Variants in DGKB observed in about 807,000 individuals in gnomAD.
DGKB encodes diacylglycerol kinase beta, also known as 90 kDa diacylglycerol kinase.
In DGKB, 67 loss-of-function variants were observed where a neutral mutation model predicts 114.3. The observed-to-expected ratio is 0.59, with a 90% CI of 0.48 to 0.72. DGKB has a LOEUF of 0.72. Among genes scored for constraint, DGKB ranks in the 30% least tolerant of loss-of-function variants. The pLI, the probability that DGKB is intolerant of heterozygous loss-of-function variation, is 0.00. For synonymous variants in DGKB, 398 were observed against 323.1 expected (o/e 1.23, Z -2.49); for missense variants, 907 against 975.2 (o/e 0.93, Z 0.93).
chr7:14,935,016 C>A (rs1257703764), intron 1 of DGKB, among the ~76,000 whole-genome samples: 1 of 152,136 alleles, frequency 6.6e-6, no homozygotes, highest in Non-Finnish European at 1.5e-5. Context: ...AGCCTTAGAG[C>A]TAATTTGAGT....
rs117501391 is a variant in DGKB, at chr7:14,753,182, G to T, written c.168+746C>A. Among the ~76,000 whole-genome samples the T allele has an allele frequency of 1.9e-3, 289 of 152,284 alleles. 8 individuals carry two copies. In the East Asian group the frequency reaches 0.043, roughly 23 times the overall value. ...GCATCAAACAATTTAAGAATAAGAA[G>T]AAGCTAGTACATATCCAAGATTGCC... On this transcript the variant is annotated intron_variant, in intron 4 of 25. Coordinates refer to ENST00000402815, the MANE Select transcript of DGKB (RefSeq NM_001350709.2).
chr7:14,218,715 C>A (rs1789423163), intron 23 of DGKB, among the ~76,000 whole-genome samples: 1 of 151,948 alleles, frequency 6.6e-6, no homozygotes, highest in South Asian at 2.1e-4. Context: ...GCTGAACCAC[C>A]ATTCCCGGGA....
intron 23 of DGKB, among the ~76,000 whole-genome samples, chr7:14,236,826 T>C (rs561687603): frequency 3.3e-4 from 50 of 151,986 alleles, no homozygotes; most frequent in Non-Finnish European, 6.2e-4. Flanking sequence ...TAGAAAAATA[T>C]GTGGTGAAAA....
intron 25 of DGKB, among the ~76,000 whole-genome samples, chr7:14,169,762 AAAAT>A (rs1226258733): frequency 2.0e-5 from 3 of 152,160 alleles, no homozygotes; most frequent in African/African-American, 7.2e-5. Flanking sequence ...GTATTACATA[AAAAT>A]AAATAATATA....
At chr7:14,717,485 GAAT>G (rs1486784255) in intron 6 of DGKB, among the ~76,000 whole-genome samples, 3 of 151,900 alleles carry the variant, frequency 2.0e-5, no homozygotes, top group African/African-American at 7.3e-5. Flanking sequence ...GAACATTTAT[GAAT>G]AATAAATATA....
chr7:14,762,262 T>C (rs555556090), intron 2 of DGKB, among the ~76,000 whole-genome samples: 21 of 151,980 alleles, frequency 1.4e-4, no homozygotes, highest in Non-Finnish European at 2.9e-4. Flanking sequence ...GGGAGATGAG[T>C]TGACTTTCTC....
chr7:14,246,953 T>C (rs935086055), intron 23 of DGKB, among the ~76,000 whole-genome samples: 2 of 152,142 alleles, frequency 1.3e-5, no homozygotes, highest in Non-Finnish European at 2.9e-5. Flanking sequence ...AAACTAAAGC[T>C]TTGTACCCTT....
chr7:14,390,526 T>C (rs974709539), intron 21 of DGKB, among the ~76,000 whole-genome samples: 2 of 152,166 alleles, frequency 1.3e-5, no homozygotes, highest in African/African-American at 4.8e-5. Context: ...GAAGTGATAA[T>C]GTAGGAATAA....
chr7:14,868,388 T>G (rs933126278), intron 1 of DGKB, among the ~76,000 whole-genome samples: 1 of 150,882 alleles, frequency 6.6e-6, no homozygotes, highest in Non-Finnish European at 1.5e-5. Context: ...CAGGCTGGAG[T>G]GCAGTGGAGG....
intron 5 of DGKB, among the ~76,000 whole-genome samples, chr7:14,729,216 G>A (rs1398401017): frequency 6.9e-6 from 1 of 144,984 alleles, no homozygotes; most frequent in Non-Finnish European, 1.5e-5. Context: ...TCCGCCTCCT[G>A]GGTTCACGCC....
intron 6 of DGKB, among the ~76,000 whole-genome samples, chr7:14,716,231 G>C (rs1184153958): frequency 6.6e-6 from 1 of 152,092 alleles, no homozygotes; most frequent in Admixed American, 6.6e-5. Flanking sequence ...GTGATCCCTA[G>C]AACAATAGCA....
chr7:14,739,590 C>G (rs1187456942), intron 4 of DGKB, among the ~76,000 whole-genome samples: 1 of 152,098 alleles, frequency 6.6e-6, no homozygotes, highest in African/African-American at 2.4e-5. Flanking sequence ...CCAGATTTAG[C>G]TGAATTAAGA....
At chr7:14,752,381 A>G (rs1723232) in intron 4 of DGKB, among the ~76,000 whole-genome samples, 54,088 of 151,982 alleles carry the variant, frequency 0.36, 13,322 homozygotes, top group African/African-American at 0.69. Context: ...TACACATTAA[A>G]AGAAACTACA....
At chr7:14,650,775 G>C (rs1299669476) in intron 13 of DGKB, among the ~76,000 whole-genome samples, 1 of 144,122 alleles carries the variant, frequency 6.9e-6, no homozygotes. Flanking sequence ...AAAAAAGAGA[G>C]AAGGATCAAA....
intron 2 of DGKB, among the ~76,000 whole-genome samples, chr7:14,768,492 A>G (rs1045429701): frequency 2.6e-5 from 4 of 151,950 alleles, no homozygotes; most frequent in African/African-American, 9.7e-5. Flanking sequence ...GCAGCCCCAC[A>G]TCTCCTAAAC....
At chr7:14,278,428 C>G (rs1799348782) in intron 23 of DGKB, among the ~76,000 whole-genome samples, 1 of 152,012 alleles carries the variant, frequency 6.6e-6, no homozygotes, top group Non-Finnish European at 1.5e-5. Context: ...ATTGGGAAAC[C>G]CGGATATCCA....
At chr7:14,612,320 C>T (rs530933289) in intron 16 of DGKB, among the ~76,000 whole-genome samples, 54 of 152,060 alleles carry the variant, frequency 3.6e-4, no homozygotes, top group Non-Finnish European at 7.4e-4. Flanking sequence ...CAGGTGCCCA[C>T]GACCATGCCT....
At chr7:14,371,282 C>T (rs1457290118) in intron 21 of DGKB, among the ~76,000 whole-genome samples, 2 of 152,166 alleles carry the variant, frequency 1.3e-5, no homozygotes, top group Non-Finnish European at 2.9e-5. Flanking sequence ...TACATTCCCA[C>T]CAGCAGTGTA....
Position 14,650,983 on chromosome 7 carries a change from G to T in DGKB, c.1135-20715C>A, listed in dbSNP as rs182070515. Among the ~76,000 whole-genome samples the T allele has an allele frequency of 2.6e-5, 4 of 151,898 alleles. No homozygotes were observed. The East Asian group carries it at 5.8e-4, about 22-fold the overall frequency. ...ATCTCTTAATAGACCAATAACAGGA[G>T]CTGAAACTGTGGCAATAATCAATAG... On this transcript the variant is annotated intron_variant, in intron 13 of 25. Transcript: ENST00000402815.
Sources: gnomAD v4.1 joint callset for allele counts (sites outside exome capture counted in the v4.1 genomes callset) on GRCh38, gnomAD v4.1.1 for gene constraint, MANE v1.5 for transcripts, NCBI Gene and HGNC (gene_info 2026-07-23, HGNC 2026-07-21) for gene names.